DDX47: variants seen among roughly 807,000 people sequenced by gnomAD.
The protein encoded by DDX47 is probable ATP-dependent RNA helicase DDX47.
Under a neutral mutation model 58.8 loss-of-function variants are expected in DDX47, and 60 were observed. That is an observed-to-expected ratio of 1.02 (90% confidence interval 0.83 to 1.26). DDX47 has a LOEUF of 1.26. DDX47 is among the 50% of genes most tolerant of loss of function. DDX47 has a pLI of 0.00. For missense variants in DDX47, 530 were observed against 573.2 expected (o/e 0.92, Z 0.77); for synonymous variants, 197 against 204.6 (o/e 0.96, Z 0.32).
chr12:12,820,255 C>T (rs1416466526), intron 2 of DDX47: 1 of 152,212 alleles, frequency 6.6e-6, no homozygotes, highest in East Asian at 1.9e-4. Context: ...TTAGAGCATT[C>T]TTCCCTCAGA....
At position 12,821,348 on chromosome 12, in the gene DDX47, A is replaced by G. The variant is rs765689445; in HGVS notation, c.322A>G (p.Ile108Val). The G allele has an allele frequency of 6.2e-7, 1 of 1,614,018 alleles. No individual in the cohort carries two copies. Among genetic ancestry groups the G allele is most frequent in the Non-Finnish European group, 8.5e-7 (1 of 1,180,030 alleles). The change falls in exon 3 of 12, where the codon ATC (isoleucine) becomes GTC (valine). Residue 108 changes from isoleucine to valine, a missense_variant. Physicochemically the swap from Ile to Val is conservative, Grantham distance 29 (BLOSUM62 3). Coordinates refer to ENST00000358007, the MANE Select transcript of DDX47 (RefSeq NM_016355.4). Reference protein sequence around the residue: ...LTPTRELAFQISEQFEALGSS... With the variant: ...LTPTRELAFQVSEQFEALGSS... Reference sequence around the variant, plus strand: ...CCCGACTCGGGAGCTGGCCTTTCAGATCTCAGAGCAGTTTGAAGCCCTGGG... The same window carrying G: ...CCCGACTCGGGAGCTGGCCTTTCAGGTCTCAGAGCAGTTTGAAGCCCTGGG...
At chr12:12,815,845 G>A (rs897842899) in intron 2 of DDX47, among the ~76,000 whole-genome samples, 1 of 152,100 alleles carries the variant, frequency 6.6e-6, no homozygotes, top group Non-Finnish European at 1.5e-5. Context: ...TGGAGATGAA[G>A]GATTTAGAGT....
rs200216894 is a variant in DDX47, at chr12:12,829,460, G to T, written c.1274G>T (p.Arg425Leu). Residue 425 changes from arginine to leucine, a missense_variant, in exon 12 of 12, where the codon CGA becomes CTA. Transcript: ENST00000358007. ...CATGGAGAAAAGAAGAAACGCTCGCGAGAGGATGCTGGAGATAATGATGAC... is the reference window on the plus strand; with the variant it reads ...CATGGAGAAAAGAAGAAACGCTCGCTAGAGGATGCTGGAGATAATGATGAC... ...REHGEKKKRS[R>L]EDAGDNDDTE... is the part of the protein sequence containing the mutation. The T allele has an allele frequency of 6.2e-6, 10 of 1,613,368 alleles. No individual in the cohort carries two copies. The highest frequency in any genetic ancestry group is 8.5e-6 in the Non-Finnish European group (10 of 1,179,760).
chr12:12,827,446 C>T, intron 11 of DDX47, 71 bp downstream of exon 11: 3 of 1,519,514 alleles, frequency 2.0e-6, no homozygotes, highest in Non-Finnish European at 2.7e-6. Context: ...ATTATATTAA[C>T]CCTCATACTA....
chr12:12,814,020 C>A, intron 1 of DDX47, 111 bp from the exon 2 acceptor site: 1 of 764,224 alleles, frequency 1.3e-6, no homozygotes, highest in Non-Finnish European at 2.4e-6. Context: ...ACAGTAAATA[C>A]CTTTTAAATC....
chr12:12,815,966 G>A (rs539882616), intron 2 of DDX47, among the ~76,000 whole-genome samples: 26 of 152,226 alleles, frequency 1.7e-4, no homozygotes, highest in African/African-American at 6.0e-4. Flanking sequence ...ATCAATAATG[G>A]GTAGGGTGGT....
intron 9 of DDX47, 46 bp downstream of exon 9, chr12:12,824,723 C>T (rs757532709): frequency 6.4e-7 from 1 of 1,568,130 alleles, no homozygotes; most frequent in Non-Finnish European, 8.7e-7. Context: ...AAGTGTATTT[C>T]TTAATGGACT....
chr12:12,824,359 A>G (rs1429467115), intron 8 of DDX47, 181 bp from the exon 9 acceptor site: 4 of 614,156 alleles, frequency 6.5e-6, no homozygotes, highest in Non-Finnish European at 1.1e-5. Flanking sequence ...TGTATCATAT[A>G]TATTTTTTTA....
chr12:12,828,512 T>C (rs1469454184), intron 11 of DDX47, among the ~76,000 whole-genome samples: 1 of 152,146 alleles, frequency 6.6e-6, no homozygotes, highest in Non-Finnish European at 1.5e-5. Context: ...GTAACAGTAA[T>C]AGTGGTGATG....
intron 11 of DDX47, among the ~76,000 whole-genome samples, chr12:12,829,015 G>T (rs1308516919): frequency 6.6e-6 from 1 of 152,048 alleles, no homozygotes; most frequent in East Asian, 1.9e-4. Context: ...TACTTCCTTA[G>T]AATAAATTCC....
intron 11 of DDX47, among the ~76,000 whole-genome samples, chr12:12,828,879 TAATGGCTACAAAG>T (rs1242107226): frequency 2.6e-5 from 4 of 152,252 alleles, no homozygotes; most frequent in African/African-American, 9.6e-5. Context: ...GATCGTTTCT[TAATGGCTACAAAG>T]AATTCCATCA....
At position 12,829,530 on chromosome 12, in the gene DDX47, A is replaced by C. The variant is rs766728578; in HGVS notation, c.1344A>C (p.Lys448Asn). The stretch of plus-strand genomic sequence containing the variant: ...TCAGGAACAAGGTGGCTGGAGGAAA[A>C]ATGAAGAAGCGGAAAGGCCGTTAAT... ...IGVRNKVAGG[K>N]MKKRKGR The change falls in exon 12 of 12, where the codon AAA becomes AAC. Residue 448 changes from lysine (K) to asparagine (N), a missense_variant. Transcript: ENST00000358007. 3.0e-5 allele frequency: 48 copies of C among 1,613,758 alleles called. No individual in the cohort carries two copies. Among genetic ancestry groups the C allele is most frequent in the Non-Finnish European group, 5.1e-6 (6 of 1,179,874 alleles).
chr12:12,823,995 C>T lies in DDX47; in HGVS notation c.876C>T (p.Pro292=). 6 of 1,613,974 alleles carry T rather than the reference C, an allele frequency of 3.7e-6. No individual in the cohort carries two copies. The highest frequency in any genetic ancestry group is 5.1e-6 in the Non-Finnish European group (6 of 1,179,950). Residue 292 remains proline (P), a synonymous_variant, in exon 8 of 12, where the codon CCC becomes CCT. Transcript: ENST00000358007. ...LLRNLGFTAI[P]LHGQMSQSKR... is the part of the protein sequence containing the mutation. ...GAAATCTTGGCTTCACTGCCATCCCCCTCCATGGACAAATGAGTCAGGTAA... is the reference window on the plus strand; with the variant it reads ...GAAATCTTGGCTTCACTGCCATCCCTCTCCATGGACAAATGAGTCAGGTAA...
chr12:12,826,101 G>A lies in DDX47; in HGVS notation c.1106+31G>A, dbSNP rs113345676. On this transcript the variant is annotated intron_variant, in intron 10 of 11. Transcript: ENST00000358007. ...TAAATCAGCTTTAGGGCCGAGCAAT[G>A]TAGAGAAAAGAGCAGAACTTTCAAG... is the stretch of plus-strand genomic sequence containing the variant. 1.2e-4 allele frequency: 184 copies of A among 1,588,974 alleles called. 1 individual carries two copies. In the African/African-American group the frequency reaches 2.2e-3, roughly 19 times the overall value.
At chr12:12,814,093 G>C (rs768321410) in intron 1 of DDX47, 38 bp from the exon 2 acceptor site, 15 of 1,292,572 alleles carry the variant, frequency 1.2e-5, no homozygotes, top group Non-Finnish European at 1.7e-5. Context: ...GTAGGGGTGT[G>C]CTGTTCTTGG....
At position 12,814,242 on chromosome 12, in the gene DDX47, G is replaced by C. The variant is rs769724065; in HGVS notation, c.181+18G>C. 4.8e-6 allele frequency: 7 copies of C among 1,471,738 alleles called. No homozygotes were observed. The Admixed American group carries it at 8.4e-5, about 18-fold the overall frequency. The allele number at this position is 1,471,738 out of a possible 1,614,324, so 91.2% of individuals were successfully genotyped here. On this transcript the variant is annotated intron_variant, in intron 2 of 11. Transcript: ENST00000358007. The stretch of plus-strand genomic sequence containing the variant: ...CTTACAAGGTAGGTTGTATGACTTC[G>C]TACAGATTTAATATAAAGTTATCTC...
At position 12,829,808 on chromosome 12, in the gene DDX47, C is replaced by T. The variant is rs1863104918; in HGVS notation, c.*254C>T. 1 of 320,988 alleles carries T rather than the reference C, an allele frequency of 3.1e-6. No individual in the cohort carries two copies. Among genetic ancestry groups the T allele is most frequent in the East Asian group, 5.8e-5 (1 of 17,312 alleles). The allele number at this position is 320,988 out of a possible 1,614,324, so 19.9% of individuals were successfully genotyped here. A position where few individuals can be genotyped will look rare whatever the true frequency, so the allele number is the denominator to read the frequency against. ...ATGAGTAGGGTGTGCTCTTCTGTCACTTCACACAGACCTTTTGCCTTTTTT... is the reference window on the plus strand; with the variant it reads ...ATGAGTAGGGTGTGCTCTTCTGTCATTTCACACAGACCTTTTGCCTTTTTT... On this transcript the variant is annotated 3_prime_UTR_variant, in exon 12 of 12. Coordinates refer to ENST00000358007, the MANE Select transcript of DDX47 (RefSeq NM_016355.4).
intron 11 of DDX47, among the ~76,000 whole-genome samples, chr12:12,828,451 A>T (rs1273223060): frequency 6.6e-6 from 1 of 152,166 alleles, no homozygotes; most frequent in Non-Finnish European, 1.5e-5. Context: ...AGTCCGAAAC[A>T]CTGCTGGTCC....
intron 2 of DDX47, among the ~76,000 whole-genome samples, chr12:12,818,576 A>C (rs1862929118): frequency 6.6e-6 from 1 of 152,172 alleles, no homozygotes; most frequent in African/African-American, 2.4e-5. Context: ...ACATCTGTGC[A>C]TATGCTTTTG....
Sources: gnomAD v4.1 joint callset for allele counts (sites outside exome capture counted in the v4.1 genomes callset) on GRCh38, gnomAD v4.1.1 for gene constraint, MANE v1.5 for transcripts, NCBI Gene and HGNC (gene_info 2026-07-23, HGNC 2026-07-21) for gene names.